Variants in HPSE2 observed in about 807,000 individuals in gnomAD.
HPSE2 encodes the protein inactive heparanase-2.
In HPSE2, 38 loss-of-function variants were observed where a neutral mutation model predicts 60.5. That is an observed-to-expected ratio of 0.63 (90% confidence interval 0.48 to 0.82). The LOEUF (loss-of-function observed/expected upper bound fraction) is 0.82. Ranked by LOEUF, HPSE2 falls within the 40% of genes least tolerant of loss-of-function variation. HPSE2 has a pLI of 0.00. For missense variants in HPSE2, 713 were observed against 740.4 expected (o/e 0.96, Z 0.43); for synonymous variants, 295 against 293.2 (o/e 1.01, Z -0.06).
At chr10:98,947,131 A>G (rs1377111977) in intron 3 of HPSE2, among the ~76,000 whole-genome samples, 2 of 152,146 alleles carry the variant, frequency 1.3e-5, no homozygotes, top group African/African-American at 4.8e-5. Context: ...GATGCCCACC[A>G]TTTCAAGATA....
At chr10:98,888,885 T>G (rs7908265) in intron 3 of HPSE2, among the ~76,000 whole-genome samples, 21,098 of 152,190 alleles carry the variant, frequency 0.14, 2,031 homozygotes, top group African/African-American at 0.26. Context: ...AATTTAGTCC[T>G]ACATTCTCAT....
At chr10:98,470,088 CAGGT>C (rs772964620) in intron 11 of HPSE2, among the ~76,000 whole-genome samples, 1 of 141,512 alleles carries the variant, frequency 7.1e-6, no homozygotes, top group Non-Finnish European at 1.5e-5. Context: ...GGAGTGAAGA[CAGGT>C]AGGAAGGCAG....
At chr10:99,208,377 A>G (rs1370665264) in intron 2 of HPSE2, among the ~76,000 whole-genome samples, 1 of 152,200 alleles carries the variant, frequency 6.6e-6, no homozygotes, top group Non-Finnish European at 1.5e-5. Flanking sequence ...AATGAATTAC[A>G]TTGTCCATTC....
chr10:99,112,901 C>T (rs897079474), intron 3 of HPSE2, among the ~76,000 whole-genome samples: 1 of 152,098 alleles, frequency 6.6e-6, no homozygotes, highest in African/African-American at 2.4e-5. Context: ...ATTGCCCACA[C>T]CCACGCAATC....
intron 3 of HPSE2, among the ~76,000 whole-genome samples, chr10:98,862,038 T>C (rs934364999): frequency 2.0e-5 from 3 of 152,152 alleles, no homozygotes; most frequent in African/African-American, 7.2e-5. Flanking sequence ...GTGCTGTTAG[T>C]TAAATATTGG....
chr10:98,730,160 C>T (rs1356505773), intron 4 of HPSE2, among the ~76,000 whole-genome samples: 3 of 151,820 alleles, frequency 2.0e-5, no homozygotes, highest in Admixed American at 2.0e-4. Flanking sequence ...GCTTTAATCA[C>T]AATAGAATTA....
chr10:98,547,858 CAA>C (rs1276099985), intron 9 of HPSE2, among the ~76,000 whole-genome samples: 2 of 151,828 alleles, frequency 1.3e-5, no homozygotes, highest in African/African-American at 4.8e-5. Context: ...CACACAAACT[CAA>C]GTGACGATAT....
At chr10:98,792,394 T>C (rs994822370) in intron 3 of HPSE2, among the ~76,000 whole-genome samples, 2 of 152,000 alleles carry the variant, frequency 1.3e-5, no homozygotes, top group African/African-American at 2.4e-5. Flanking sequence ...ACCCCAAATA[T>C]AGAGAAAAAG....
rs1284225591 is a variant in HPSE2, at chr10:98,607,070, C to T, written c.1320+7834G>A. On this transcript the variant is annotated intron_variant, in intron 9 of 11. Transcript: ENST00000370552. The stretch of plus-strand genomic sequence containing the variant: ...CTTTTTCTTTCTCCCTCCCTCCCTC[C>T]CTCCCTCTCTCCCTCCCTCCCTCCC... 2.9e-5 allele frequency among the ~76,000 whole-genome samples: 4 copies of T among 139,322 alleles called. No individual in the cohort carries two copies. In the South Asian group the frequency reaches 7.8e-4, roughly 27 times the overall value. The allele number at this position is 139,322 out of a possible 152,430, so 91.4% of individuals were successfully genotyped here.
At chr10:98,726,061 G>C (rs1169054424) in intron 4 of HPSE2, among the ~76,000 whole-genome samples, 1 of 152,192 alleles carries the variant, frequency 6.6e-6, no homozygotes, top group East Asian at 1.9e-4. Context: ...TTCAACCATT[G>C]TGGAAGTTGG....
At chr10:98,608,901 C>A (rs988998062) in intron 9 of HPSE2, among the ~76,000 whole-genome samples, 11 of 152,182 alleles carry the variant, frequency 7.2e-5, no homozygotes, top group African/African-American at 2.4e-4. Context: ...CCCCGCCCTA[C>A]CACCTCCAGG....
intron 3 of HPSE2, among the ~76,000 whole-genome samples, chr10:98,942,311 A>G (rs1213221952): frequency 7.0e-6 from 1 of 143,632 alleles, no homozygotes; most frequent in Admixed American, 6.9e-5. Flanking sequence ...AAATGGGAGA[A>G]AATTTTCGCA....
chr10:98,984,689 A>G (rs1284503585), intron 3 of HPSE2, among the ~76,000 whole-genome samples: 1 of 152,064 alleles, frequency 6.6e-6, no homozygotes. Context: ...CGATCAAACT[A>G]CTCTGAGCTA....
At chr10:98,653,460 G>T (rs1946973963) in intron 6 of HPSE2, among the ~76,000 whole-genome samples, 1 of 146,874 alleles carries the variant, frequency 6.8e-6, no homozygotes, top group South Asian at 2.2e-4. Context: ...GGTTTTAATT[G>T]AGCATTTTAT....
At chr10:98,917,845 T>C (rs145121473) in intron 3 of HPSE2, among the ~76,000 whole-genome samples, 214 of 152,324 alleles carry the variant, frequency 1.4e-3, no homozygotes, top group Non-Finnish European at 3.1e-4. Flanking sequence ...TCTGTTAGTC[T>C]TTCTGATGGC....
intron 2 of HPSE2, among the ~76,000 whole-genome samples, chr10:99,164,240 TATATA>T (rs2133779523): frequency 2.7e-5 from 1 of 36,966 alleles, no homozygotes; most frequent in African/African-American, 1.7e-4. Context: ...TATATATATA[TATATA>T]TATATATATA....
intron 6 of HPSE2, among the ~76,000 whole-genome samples, chr10:98,657,275 T>A (rs528327532): frequency 6.6e-6 from 1 of 151,298 alleles, no homozygotes; most frequent in African/African-American, 2.4e-5. Flanking sequence ...TACAAAGCAA[T>A]GCAAAGACCT....
intron 3 of HPSE2, among the ~76,000 whole-genome samples, chr10:99,005,563 T>A (rs929539277): frequency 1.3e-5 from 2 of 152,168 alleles, no homozygotes; most frequent in Non-Finnish European, 2.9e-5. Flanking sequence ...ATTTTCCTGA[T>A]TTCATACAAT....
At chr10:98,871,120 C>T (rs1450219960) in intron 3 of HPSE2, among the ~76,000 whole-genome samples, 1 of 152,022 alleles carries the variant, frequency 6.6e-6, no homozygotes, top group Admixed American at 6.6e-5. Context: ...GCCAATAAAA[C>T]TCTTTCCTTT....
Sources: allele counts gnomAD v4.1 joint callset (sites outside exome capture counted in the v4.1 genomes callset), GRCh38; gene constraint gnomAD v4.1.1; transcripts MANE v1.5; gene names NCBI Gene and HGNC (gene_info 2026-07-23, HGNC 2026-07-21).